Variants in AGBL2 observed in about 807,000 individuals in gnomAD.
AGBL2 encodes the protein AGBL carboxypeptidase 2.
A neutral mutation model predicts 103.0 loss-of-function variants in AGBL2; 87 were observed. The ratio of observed to expected loss-of-function variants is 0.84; its 90% confidence interval spans 0.71 to 1.01. The LOEUF (loss-of-function observed/expected upper bound fraction) is 1.01, where lower values mean the gene tolerates loss of function less well. Among genes scored for constraint, AGBL2 ranks in the 50% least tolerant of loss-of-function variants. The pLI is 0.00. For missense variants in AGBL2, 904 were observed against 1,023.5 expected, an observed-to-expected ratio of 0.88 and a Z score of 1.59; for synonymous variants, 335 against 356.7, an observed-to-expected ratio of 0.94 and a Z score of 0.69.
chr11:47,678,330 A>ATTATTTTTTT (rs1565026506), intron 13 of AGBL2, among the ~76,000 whole-genome samples: 5 of 114,378 alleles, frequency 4.4e-5, no homozygotes, highest in Non-Finnish European at 8.1e-5. Flanking sequence ...ATTTTATTTT[A>ATTATTTTTTT]TTTTATTATT....
At chr11:47,664,877 T>C (rs1047707557) in intron 17 of AGBL2, among the ~76,000 whole-genome samples, 3 of 126,430 alleles carry the variant, frequency 2.4e-5, no homozygotes, top group Non-Finnish European at 4.9e-5. Flanking sequence ...ACCTCCCACC[T>C]TTTTTTTTTT....
At chr11:47,678,629 C>T (rs1010620902) in intron 13 of AGBL2, among the ~76,000 whole-genome samples, 4 of 151,652 alleles carry the variant, frequency 2.6e-5, no homozygotes, top group South Asian at 2.1e-4. Context: ...CCACTGCACC[C>T]GGCCTGATGA....
chr11:47,701,192 C>T (rs554894050), intron 7 of AGBL2, among the ~76,000 whole-genome samples: 19 of 151,998 alleles, frequency 1.3e-4, no homozygotes, highest in Admixed American at 1.2e-3. Context: ...GTTGGCTGGG[C>T]GCAGTGAGTG....
At chr11:47,662,837 G>C (rs1240858850) in intron 18 of AGBL2, among the ~76,000 whole-genome samples, 189 bp downstream of exon 18, 2 of 152,100 alleles carry the variant, frequency 1.3e-5, no homozygotes, top group Non-Finnish European at 2.9e-5. Flanking sequence ...ACAAAACTTG[G>C]TACTGAATGG....
At chr11:47,679,898 TC>T in intron 13 of AGBL2, 74 bp downstream of exon 13, 1 of 964,342 alleles carries the variant, frequency 1.0e-6, no homozygotes, top group Non-Finnish European at 1.6e-6. Flanking sequence ...CACTTCAGCC[TC>T]CCAAAGTGCT....
rs545519708 is a variant in AGBL2, at chr11:47,662,490, G to A, written c.2535+536C>T. Reference sequence around the variant, plus strand: ...CCACTGCACCTGACCAAACTTACTCGTTCACTTTTTTTTTTTTTTTTAGAC... The same window carrying A: ...CCACTGCACCTGACCAAACTTACTCATTCACTTTTTTTTTTTTTTTTAGAC... On this transcript the variant is annotated intron_variant, in intron 18 of 18. Transcript: ENST00000525123. Among the ~76,000 whole-genome samples the A allele has an allele frequency of 7.8e-3, 916 of 117,340 alleles. 6 individuals are homozygous for A. The highest frequency in any genetic ancestry group is 0.02 in the Middle Eastern group (3 of 150). 77.0% of individuals were successfully genotyped at this position (117,340 alleles called of 152,430 possible).
chr11:47,714,242 T>G (rs2097543740), intron 3 of AGBL2, 42 bp downstream of exon 3: 1 of 1,528,112 alleles, frequency 6.5e-7, no homozygotes, highest in Non-Finnish European at 9.0e-7. Flanking sequence ...ATTTTCCTCT[T>G]GAGTCCAGGA....
intron 13 of AGBL2, among the ~76,000 whole-genome samples, chr11:47,678,659 G>A (rs1479747266): frequency 1.3e-5 from 2 of 150,842 alleles, no homozygotes; most frequent in Non-Finnish European, 3.0e-5. Context: ...TTAGTTTTTT[G>A]TTTGTTTGTT....
At chr11:47,684,739 A>G (rs10838746) in intron 11 of AGBL2, among the ~76,000 whole-genome samples, 53,308 of 151,986 alleles carry the variant, frequency 0.35, 10,570 homozygotes, top group South Asian at 0.52. Flanking sequence ...TCAATTATTA[A>G]AAACTTTTAT....
At chr11:47,686,663 A>G (rs2097424934) in intron 10 of AGBL2, among the ~76,000 whole-genome samples, 1 of 151,676 alleles carries the variant, frequency 6.6e-6, no homozygotes, top group African/African-American at 2.4e-5. Flanking sequence ...CTGGTTGTTT[A>G]AAAATGTGTG....
intron 3 of AGBL2, among the ~76,000 whole-genome samples, chr11:47,711,664 G>C (rs2097536761): frequency 6.6e-6 from 1 of 152,220 alleles, no homozygotes; most frequent in Non-Finnish European, 1.5e-5. Context: ...CTTCCGAGTA[G>C]CTGGGATTAC....
intron 11 of AGBL2, 69 bp from the exon 12 acceptor site, chr11:47,682,164 A>G: frequency 6.9e-7 from 1 of 1,444,006 alleles, no homozygotes; most frequent in Non-Finnish European, 9.6e-7. Flanking sequence ...ATTCATTAAT[A>G]TGATACAAGA....
At chr11:47,669,116 G>A (rs1249384899) in intron 14 of AGBL2, among the ~76,000 whole-genome samples, 1 of 152,060 alleles carries the variant, frequency 6.6e-6, no homozygotes, top group Non-Finnish European at 1.5e-5. Context: ...CACCCAGGCT[G>A]GAGTGCAGTA....
chr11:47,661,145 A>G (rs543537162), intron 18 of AGBL2, among the ~76,000 whole-genome samples: 1 of 152,274 alleles, frequency 6.6e-6, no homozygotes, highest in South Asian at 2.1e-4. Flanking sequence ...CCTGGGCGAC[A>G]GAGCAAGACC....
intron 17 of AGBL2, chr11:47,666,500 T>C (rs1310821050): frequency 3.2e-6 from 1 of 308,368 alleles, no homozygotes; most frequent in East Asian, 7.2e-5. Context: ...TCCTACTCTG[T>C]GATACAATTT....
At chr11:47,700,889 G>A (rs531904865) in intron 7 of AGBL2, among the ~76,000 whole-genome samples, 17 of 151,602 alleles carry the variant, frequency 1.1e-4, no homozygotes, top group South Asian at 4.2e-4. Flanking sequence ...GTGAAACCCC[G>A]TCTCTATTAA....
chr11:47,684,316 C>T (rs539434854), intron 11 of AGBL2, among the ~76,000 whole-genome samples: 110 of 151,654 alleles, frequency 7.3e-4, no homozygotes, highest in Middle Eastern at 3.4e-3. Context: ...ACCTATAATC[C>T]CAGCACTTTG....
chr11:47,712,646 G>C (rs1200522134), intron 3 of AGBL2, among the ~76,000 whole-genome samples: 1 of 152,208 alleles, frequency 6.6e-6, no homozygotes. Flanking sequence ...GCTCACGCCT[G>C]TAATCCCAGC....
At chr11:47,712,968 C>T (rs148645941) in intron 3 of AGBL2, among the ~76,000 whole-genome samples, 6 of 150,904 alleles carry the variant, frequency 4.0e-5, no homozygotes, top group East Asian at 2.0e-4. Context: ...CTTGACCCCG[C>T]GAGGTGGAAG....
Sources: allele counts gnomAD v4.1 joint callset (sites outside exome capture counted in the v4.1 genomes callset), GRCh38; gene constraint gnomAD v4.1.1; transcripts MANE v1.5; gene names NCBI Gene and HGNC (gene_info 2026-07-23, HGNC 2026-07-21).